Variants in SNTG1 observed in about 807,000 individuals in gnomAD.
SNTG1 encodes the protein syntrophin gamma 1, also known as gamma-1-syntrophin.
A neutral mutation model predicts 74.7 loss-of-function variants in SNTG1; 39 were observed. That is an observed-to-expected ratio of 0.52 (90% CI 0.40 to 0.68). The LOEUF (loss-of-function observed/expected upper bound fraction) is 0.68. SNTG1 is among the 30% of genes least tolerant of loss of function. The pLI, the probability that SNTG1 is intolerant of heterozygous loss-of-function variation, is 0.00. For synonymous variants in SNTG1, 254 were observed against 217.1 expected (o/e 1.17, Z -1.49); for missense variants, 685 against 609.5 (o/e 1.12, Z -1.30).
intron 2 of SNTG1, among the ~76,000 whole-genome samples, chr8:50,180,178 C>T (rs34237977): frequency 0.3 from 44,995 of 151,988 alleles, 6,752 homozygotes; most frequent in South Asian, 0.43. Flanking sequence ...AAGCCATAAA[C>T]AGTAAGACAG....
At chr8:50,347,531 A>G (rs1215558905) in intron 2 of SNTG1, among the ~76,000 whole-genome samples, 1 of 152,232 alleles carries the variant, frequency 6.6e-6, no homozygotes, top group African/African-American at 2.4e-5. Flanking sequence ...CCATTAGACC[A>G]ATGAGTAGTT....
At chr8:50,778,511 G>T (rs71513507) in intron 18 of SNTG1, among the ~76,000 whole-genome samples, 32,200 of 151,742 alleles carry the variant, frequency 0.21, 3,537 homozygotes, top group South Asian at 0.33. Flanking sequence ...CTTTTGAGAA[G>T]TGTCTGTTCA....
intron 1 of SNTG1, among the ~76,000 whole-genome samples, chr8:50,047,754 A>G (rs1471455570): frequency 1.3e-5 from 2 of 152,194 alleles, no homozygotes; most frequent in Non-Finnish European, 2.9e-5. Context: ...CTTGACTGTC[A>G]TAACAACCTG....
At chr8:50,358,900 C>T (rs2091887860) in intron 2 of SNTG1, among the ~76,000 whole-genome samples, 1 of 152,084 alleles carries the variant, frequency 6.6e-6, no homozygotes, top group Non-Finnish European at 1.5e-5. Flanking sequence ...CTTATTGTTC[C>T]ATGTAAGTTA....
intron 8 of SNTG1, among the ~76,000 whole-genome samples, chr8:50,497,400 A>G (rs2093914113): frequency 6.6e-6 from 1 of 152,018 alleles, no homozygotes; most frequent in Non-Finnish European, 1.5e-5. Context: ...TTGTACACTT[A>G]ATATAGAATA....
chr8:50,571,592 T>A (rs2094549354), intron 12 of SNTG1, among the ~76,000 whole-genome samples: 1 of 152,208 alleles, frequency 6.6e-6, no homozygotes, highest in South Asian at 2.1e-4. Context: ...CCTGCCTTGC[T>A]GGCCTTCACC....
chr8:50,268,485 CA>C (rs940618816), intron 2 of SNTG1, among the ~76,000 whole-genome samples: 2 of 151,442 alleles, frequency 1.3e-5, no homozygotes, highest in African/African-American at 4.9e-5. Context: ...CAATCATGAA[CA>C]AAAAAAGAGA....
chr8:50,024,606 C>A (rs1204792915), intron 1 of SNTG1, among the ~76,000 whole-genome samples: 1 of 152,084 alleles, frequency 6.6e-6, no homozygotes, highest in African/African-American at 2.4e-5. Context: ...CTCTACATGC[C>A]ATATTTTTCC....
At chr8:50,169,115 CT>C (rs1412920796) in intron 1 of SNTG1, among the ~76,000 whole-genome samples, 1 of 152,004 alleles carries the variant, frequency 6.6e-6, no homozygotes, top group Non-Finnish European at 1.5e-5. Flanking sequence ...ACTTTTCCAT[CT>C]TTGTCATTTG....
At chr8:49,994,004 C>A (rs1340176673) in intron 1 of SNTG1, among the ~76,000 whole-genome samples, 7 of 152,114 alleles carry the variant, frequency 4.6e-5, no homozygotes, top group African/African-American at 9.7e-5. Context: ...CTACCTTTAA[C>A]CTTCTAGTCC....
At chr8:50,025,009 T>G (rs1817148314) in intron 1 of SNTG1, among the ~76,000 whole-genome samples, 1 of 152,098 alleles carries the variant, frequency 6.6e-6, no homozygotes, top group Non-Finnish European at 1.5e-5. Flanking sequence ...CTCAGGTAAC[T>G]AAAACCTTAG....
chr8:50,095,119 A>C (rs2079878009), intron 1 of SNTG1, among the ~76,000 whole-genome samples: 1 of 152,182 alleles, frequency 6.6e-6, no homozygotes, highest in Admixed American at 6.5e-5. Context: ...ACACATAGAC[A>C]AAAAGACGGG....
chr8:50,197,858 ATATT>A (rs1452903225), intron 2 of SNTG1, among the ~76,000 whole-genome samples: 1 of 152,016 alleles, frequency 6.6e-6, no homozygotes, highest in African/African-American at 2.4e-5. Flanking sequence ...TTTTACTGGC[ATATT>A]TATTATATTT....
chr8:50,221,512 T>TACACAAAC (rs1473729808), intron 2 of SNTG1, among the ~76,000 whole-genome samples: 17 of 130,110 alleles, frequency 1.3e-4, no homozygotes, highest in African/African-American at 4.3e-4. Flanking sequence ...AACACACACA[T>TACACAAAC]ACACACACAC....
At chr8:50,369,296 C>T (rs982711236) in intron 2 of SNTG1, among the ~76,000 whole-genome samples, 3 of 152,074 alleles carry the variant, frequency 2.0e-5, no homozygotes, top group Non-Finnish European at 2.9e-5. Flanking sequence ...TATTGGTGTC[C>T]TTTAAGAAAA....
At chr8:50,304,741 T>G (rs2089802913) in intron 2 of SNTG1, among the ~76,000 whole-genome samples, 1 of 152,194 alleles carries the variant, frequency 6.6e-6, no homozygotes, top group South Asian at 2.1e-4. Flanking sequence ...CATACTATAC[T>G]CTGTCTAATA....
intron 1 of SNTG1, among the ~76,000 whole-genome samples, chr8:50,016,501 T>C (rs1406060281): frequency 1.3e-5 from 2 of 152,102 alleles, no homozygotes; most frequent in Non-Finnish European, 2.9e-5. Context: ...TGTCAACTTC[T>C]GATGGCCAGC....
intron 2 of SNTG1, among the ~76,000 whole-genome samples, chr8:50,331,110 T>C (rs2090948013): frequency 6.6e-6 from 1 of 152,180 alleles, no homozygotes; most frequent in African/African-American, 2.4e-5. Flanking sequence ...GTATTTATCA[T>C]GTGTGTGTGT....
chr8:50,386,589 C>T (rs2092578272), intron 2 of SNTG1, among the ~76,000 whole-genome samples: 1 of 152,078 alleles, frequency 6.6e-6, no homozygotes, highest in Non-Finnish European at 1.5e-5. Context: ...CTTACTTTGA[C>T]TCATGGTTCT....
Sources: allele counts gnomAD v4.1 joint callset (sites outside exome capture counted in the v4.1 genomes callset), GRCh38; gene constraint gnomAD v4.1.1; transcripts MANE v1.5; gene names NCBI Gene and HGNC (gene_info 2026-07-23, HGNC 2026-07-21).